ZNF273: variants seen among roughly 807,000 people sequenced by gnomAD.
ZNF273 encodes the protein zinc finger protein 9.
In ZNF273, 11 loss-of-function variants were observed where a neutral mutation model predicts 14.9. That is an observed-to-expected ratio of 0.74 (90% CI 0.46 to 1.22). The LOEUF (loss-of-function observed/expected upper bound fraction) is 1.22. Among genes scored for constraint, ZNF273 ranks in the 50% most tolerant of loss-of-function variants. The pLI is 0.00. For missense variants in ZNF273, 577 were observed against 660.6 expected (o/e 0.87, Z 1.39); for synonymous variants, 199 against 223.9 (o/e 0.89, Z 0.99).
chr7:64,889,506 G>T (rs1791832725), downstream of ZNF273: 7 of 985,736 alleles, frequency 7.1e-6, no homozygotes, highest in Non-Finnish European at 8.4e-6. The surrounding 1 kb of genome is among the most constrained non-coding windows in gnomAD (Gnocchi z 4.2). Flanking sequence ...CTTCTAGGTC[G>T]CCCTGGTTCC....
At chr7:64,901,623 G>A (rs1792719378), upstream of ZNF273, among the ~76,000 whole-genome samples, 1 of 152,162 alleles carries the variant, frequency 6.6e-6, no homozygotes, top group Admixed American at 6.5e-5. Context: ...TCTTCCGTAA[G>A]TGAGACCCTC....
chr7:64,886,413 C>G (rs920352691), intron 1 of ZNF273, among the ~76,000 whole-genome samples: 3 of 152,172 alleles, frequency 2.0e-5, no homozygotes, highest in Non-Finnish European at 4.4e-5. Flanking sequence ...AGTGAGCTCA[C>G]TGTCACAAAA....
At chr7:64,882,942 G>A (rs563518869), downstream of ZNF273, among the ~76,000 whole-genome samples, 130 of 152,290 alleles carry the variant, frequency 8.5e-4, 2 homozygotes, top group African/African-American at 3.1e-3. Context: ...TGTTGCGAGT[G>A]TTGGCTGCCC....
At chr7:64,903,088 A>G (rs902353834), upstream of ZNF273, among the ~76,000 whole-genome samples, 5 of 152,184 alleles carry the variant, frequency 3.3e-5, no homozygotes, top group African/African-American at 9.7e-5. Flanking sequence ...CTGACTGAAA[A>G]GCCTGCAGTT....
intron 3 of ZNF273, among the ~76,000 whole-genome samples, chr7:64,895,105 C>T (rs1024449545): frequency 6.6e-6 from 1 of 152,068 alleles, no homozygotes; most frequent in African/African-American, 2.4e-5. Flanking sequence ...CCGCTGCACT[C>T]CAGCCTGGGT....
chr7:64,903,878 A>C (rs953493161), intron 1 of ZNF273, among the ~76,000 whole-genome samples: 6 of 152,238 alleles, frequency 3.9e-5, no homozygotes, highest in African/African-American at 1.4e-4. Context: ...TTTGTGGTCC[A>C]TGGGAAGGGC....
chr7:64,906,860 AAG>A (rs1793148741), intron 1 of ZNF273, among the ~76,000 whole-genome samples: 1 of 152,218 alleles, frequency 6.6e-6, no homozygotes. Context: ...TGAATTCCAA[AAG>A]AGTGTTGCAA....
intron 1 of ZNF273, among the ~76,000 whole-genome samples, chr7:64,911,531 G>A (rs1793514200): frequency 6.6e-6 from 1 of 152,142 alleles, no homozygotes. Context: ...CCGAAGTGCT[G>A]GGATTACAGG....
downstream of ZNF273, among the ~76,000 whole-genome samples, chr7:64,890,819 C>G (rs1317235672): frequency 6.6e-6 from 1 of 152,206 alleles, no homozygotes; most frequent in Non-Finnish European, 1.5e-5. Context: ...TGGTGCAAGG[C>G]TACAGAGCTC....
chr7:64,889,737 C>G, downstream of ZNF273: 1 of 985,912 alleles, frequency 1.0e-6, no homozygotes, highest in Non-Finnish European at 1.2e-6. The surrounding 1 kb of genome is among the most constrained non-coding windows in gnomAD (Gnocchi z 4.2). Flanking sequence ...CACCGAGCAC[C>G]ATCCACGCTC....
intron 1 of ZNF273, among the ~76,000 whole-genome samples, chr7:64,914,182 ATTTTTTTTTTTT>A (rs375695781): frequency 1.4e-3 from 99 of 70,906 alleles, no homozygotes; most frequent in African/African-American, 5.7e-3. Flanking sequence ...TAATTTTTGT[ATTTTTTTTTTTT>A]TTTTTTTTTT....
intron 3 of ZNF273, among the ~76,000 whole-genome samples, chr7:64,925,522 C>T (rs12333583): frequency 0.07 from 10,725 of 152,198 alleles, 507 homozygotes; most frequent in African/African-American, 0.13. Flanking sequence ...ACCACAACCT[C>T]TGTTTCCCAG....
At chr7:64,891,021 C>A (rs6460208), downstream of ZNF273, among the ~76,000 whole-genome samples, 145,957 of 152,324 alleles carry the variant, frequency 0.96, 70,233 homozygotes, top group East Asian at 1. Flanking sequence ...TGTGCTTGGC[C>A]TGGGCTCCCC....
In ZNF273 at chr7:64,903,277, C is replaced by G. The variant is rs1020535863; in HGVS notation, c.-41C>G. ...CCGGGATTTGGCGGGGCCTTTGTCT[C>G]TCGCTGCAGTCGCAGCTCCAGGTCT... is the stretch of plus-strand genomic sequence containing the variant. On this transcript the variant is annotated 5_prime_UTR_variant, in exon 1 of 4. Transcript: ENST00000476120. The G allele has an allele frequency of 8.5e-6, 13 of 1,537,204 alleles. No homozygotes were observed. Among genetic ancestry groups the G allele is most frequent in the African/African-American group, 1.4e-5 (1 of 73,004 alleles).
At chr7:64,911,989 A>G (rs1244001511) in intron 1 of ZNF273, among the ~76,000 whole-genome samples, 2 of 152,128 alleles carry the variant, frequency 1.3e-5, no homozygotes, top group South Asian at 4.1e-4. Context: ...ATTTACCCAA[A>G]TATCATTCAA....
downstream of ZNF273, among the ~76,000 whole-genome samples, chr7:64,882,130 T>C (rs2129029448): frequency 6.6e-6 from 1 of 152,284 alleles, no homozygotes; most frequent in Non-Finnish European, 1.5e-5. Flanking sequence ...CCCCGCAATC[T>C]TCCGCTGACA....
upstream of ZNF273, among the ~76,000 whole-genome samples, chr7:64,898,320 C>T (rs909754669): frequency 2.0e-5 from 3 of 152,280 alleles, no homozygotes; most frequent in Admixed American, 6.5e-5. Flanking sequence ...CAGGAAAGCA[C>T]GTGTTGTTAT....
At position 64,927,675 on chromosome 7, in the gene ZNF273, A is replaced by G. The variant is rs764407200; in HGVS notation, c.347A>G (p.Gln116Arg). 1 of 1,582,492 alleles carries G rather than the reference A, an allele frequency of 6.3e-7. No individual in the cohort carries two copies. The highest frequency in any genetic ancestry group is 8.6e-7 in the Non-Finnish European group (1 of 1,168,122). Residue 116 changes from glutamine to arginine, a missense_variant, in exon 4 of 4, where the codon CAA becomes CGA. Physicochemically the swap from Gln to Arg is conservative, Grantham distance 43 (BLOSUM62 1). Around this residue, in one of 3 missense-constraint regions of ZNF273, gnomAD observed 162 missense variants for 203.5 expected, o/e 0.80. Coordinates refer to ENST00000476120, the MANE Select transcript of ZNF273 (RefSeq NM_021148.3). ...TCAGTTGTGTGTTCTCATTTTGCCC[A>G]AGACCTTTGGCCAAAGCAGGGCTTA... The part of the protein sequence containing the change: ...KPPVVCSHFA[Q>R]DLWPKQGLKD...
chr7:64,924,216 A>T (rs902691080), intron 3 of ZNF273: 2 of 152,178 alleles, frequency 1.3e-5, no homozygotes, highest in African/African-American at 4.8e-5. Flanking sequence ...CAGTTCTAAA[A>T]TACTTTTTAA....
Sources: allele counts gnomAD v4.1 joint callset (sites outside exome capture counted in the v4.1 genomes callset), GRCh38; gene constraint gnomAD v4.1.1; regional missense constraint gnomAD v4.1.1; non-coding constraint Gnocchi (gnomAD v3.1); transcripts MANE v1.5; gene names NCBI Gene and HGNC (gene_info 2026-07-23, HGNC 2026-07-21).